GPC5: variants seen among roughly 807,000 people sequenced by gnomAD.
GPC5 encodes the protein glypican 5, also known as glypican-5.
In GPC5, 47 loss-of-function variants were observed where a neutral mutation model predicts 53.9. That is an observed-to-expected ratio of 0.87 (90% CI 0.69 to 1.11). GPC5 has a LOEUF of 1.11. Ranked by LOEUF, GPC5 falls within the 50% of genes most tolerant of loss-of-function variation. The pLI is 0.00. For synonymous variants in GPC5, 286 were observed against 263.3 expected, an observed-to-expected ratio of 1.09 and a Z score of -0.84; for missense variants, 748 against 713.1, an observed-to-expected ratio of 1.05 and a Z score of -0.56.
intron 7 of GPC5, among the ~76,000 whole-genome samples, chr13:92,166,938 TCTCTCTCTCTCTCTCTCTCA>T (rs1327976712): frequency 1.9e-5 from 2 of 106,338 alleles, no homozygotes; most frequent in African/African-American, 3.9e-5. Flanking sequence ...TCTCTCTCTC[TCTCTCTCTCTCTCTCTCTCA>T]CACACACACA....
intron 1 of GPC5, among the ~76,000 whole-genome samples, chr13:91,443,385 C>T (rs573681380): frequency 5.9e-5 from 9 of 152,238 alleles, no homozygotes; most frequent in East Asian, 1.9e-4. Context: ...TGCAAGCCAA[C>T]GAGAGACCAA....
chr13:92,838,922 T>G (rs1878321513), intron 7 of GPC5, among the ~76,000 whole-genome samples: 1 of 152,212 alleles, frequency 6.6e-6, no homozygotes, highest in Admixed American at 6.5e-5. Context: ...GCTTATACTT[T>G]AAACTCAGCA....
At chr13:92,684,825 C>T (rs1235369579) in intron 7 of GPC5, among the ~76,000 whole-genome samples, 1 of 152,046 alleles carries the variant, frequency 6.6e-6, no homozygotes, top group South Asian at 2.1e-4. Flanking sequence ...AACTGTCTTC[C>T]AAAGTGGATA....
intron 7 of GPC5, among the ~76,000 whole-genome samples, chr13:92,571,051 A>G (rs1385104228): frequency 6.6e-6 from 1 of 152,070 alleles, no homozygotes; most frequent in Non-Finnish European, 1.5e-5. Context: ...TATGTCTAAC[A>G]TAGTTGGGGA....
intron 7 of GPC5, among the ~76,000 whole-genome samples, chr13:92,572,333 C>T (rs1159879156): frequency 6.6e-6 from 1 of 152,176 alleles, no homozygotes; most frequent in African/African-American, 2.4e-5. Flanking sequence ...AGGAAGCTTT[C>T]TGAGTGTCCA....
intron 6 of GPC5, among the ~76,000 whole-genome samples, chr13:92,087,820 A>G (rs2041347748): frequency 6.6e-6 from 1 of 152,236 alleles, no homozygotes; most frequent in African/African-American, 2.4e-5. Flanking sequence ...GTAGAATGAC[A>G]TAAGAAAAAA....
intron 7 of GPC5, among the ~76,000 whole-genome samples, chr13:92,684,112 T>C (rs572277062): frequency 1.3e-5 from 2 of 152,104 alleles, no homozygotes; most frequent in Non-Finnish European, 2.9e-5. Flanking sequence ...AAATGACTGA[T>C]CTTCTTACTG....
chr13:91,884,062 A>G (rs1443285990), intron 5 of GPC5, among the ~76,000 whole-genome samples: 1 of 152,318 alleles, frequency 6.6e-6, no homozygotes, highest in East Asian at 1.9e-4. Context: ...ACCATCTCAC[A>G]CCATTCAGAA....
At chr13:91,821,912 A>T (rs2038501820) in intron 5 of GPC5, among the ~76,000 whole-genome samples, 1 of 152,230 alleles carries the variant, frequency 6.6e-6, no homozygotes, top group Non-Finnish European at 1.5e-5. Context: ...TAAACAATCA[A>T]GGTTTAATGT....
At chr13:92,345,047 G>A (rs545263485) in intron 7 of GPC5, among the ~76,000 whole-genome samples, 2 of 152,156 alleles carry the variant, frequency 1.3e-5, no homozygotes, top group South Asian at 2.1e-4. Flanking sequence ...TTTTGAACTA[G>A]CATAATAAAA....
At chr13:91,828,963 G>A (rs73607700) in intron 5 of GPC5, among the ~76,000 whole-genome samples, 4,168 of 152,084 alleles carry the variant, frequency 0.027, 200 homozygotes, top group African/African-American at 0.095. Context: ...ATTTTGATGA[G>A]GGGCATCATA....
At chr13:92,595,534 C>A (rs1458943598) in intron 7 of GPC5, among the ~76,000 whole-genome samples, 1 of 151,756 alleles carries the variant, frequency 6.6e-6, no homozygotes, top group East Asian at 1.9e-4. Context: ...TTTGGGAGGC[C>A]GAGGCAGGCG....
intron 7 of GPC5, among the ~76,000 whole-genome samples, chr13:92,354,274 C>A (rs374224457): frequency 2.0e-5 from 3 of 152,242 alleles, no homozygotes; most frequent in East Asian, 3.9e-4. Context: ...ATCATGGATT[C>A]TTTATAATTG....
At chr13:92,317,847 T>C (rs1397372437) in intron 7 of GPC5, among the ~76,000 whole-genome samples, 2 of 152,124 alleles carry the variant, frequency 1.3e-5, no homozygotes, top group East Asian at 1.9e-4. Context: ...TTAGTTGGAC[T>C]CTGCTCCTCT....
intron 6 of GPC5, among the ~76,000 whole-genome samples, chr13:91,942,367 C>T (rs890209273): frequency 6.6e-6 from 1 of 152,020 alleles, no homozygotes; most frequent in Admixed American, 6.6e-5. Context: ...CTGGTGCATA[C>T]AGTCCATCAA....
intron 7 of GPC5, among the ~76,000 whole-genome samples, chr13:92,419,582 T>C (rs928922691): frequency 6.6e-6 from 1 of 152,210 alleles, no homozygotes; most frequent in African/African-American, 2.4e-5. Context: ...CATTTCATAT[T>C]ATATACATAA....
At chr13:91,835,886 TA>T (rs906102551) in intron 5 of GPC5, among the ~76,000 whole-genome samples, 1 of 151,554 alleles carries the variant, frequency 6.6e-6, no homozygotes, top group African/African-American at 2.4e-5. Context: ...AGTAGAATAA[TA>T]AAAAAAAGAA....
At chr13:91,846,655 T>C (rs1305186496) in intron 5 of GPC5, among the ~76,000 whole-genome samples, 2 of 152,014 alleles carry the variant, frequency 1.3e-5, no homozygotes, top group East Asian at 1.9e-4. Context: ...AGGAACTAAG[T>C]GTAATTTCTA....
chr13:92,264,876 CTCTGTGTGTGTGTGTGTGTGTGTGTGTG>C (rs1293831141), intron 7 of GPC5, among the ~76,000 whole-genome samples: 2 of 119,272 alleles, frequency 1.7e-5, no homozygotes, highest in Non-Finnish European at 3.3e-5. Context: ...CTCTCTCTCT[CTCTGTGTGTGTGTGTGTGTGTGTGTGTG>C]TGTGTGTGTG....
Sources: gnomAD v4.1 joint callset for allele counts (sites outside exome capture counted in the v4.1 genomes callset) on GRCh38, gnomAD v4.1.1 for gene constraint, MANE v1.5 for transcripts, NCBI Gene and HGNC (gene_info 2026-07-23, HGNC 2026-07-21) for gene names.